TNFSF12: variants seen among roughly 807,000 people sequenced by gnomAD.
TNFSF12 encodes TNF superfamily member 12.
A neutral mutation model predicts 31.2 loss-of-function variants in TNFSF12; 16 were observed. The ratio of observed to expected loss-of-function variants is 0.51; its 90% confidence interval spans 0.35 to 0.78. The LOEUF is 0.78. Among genes scored for constraint, TNFSF12 ranks in the 30% least tolerant of loss-of-function variants. The pLI is 0.01. For missense variants in TNFSF12, 324 were observed against 338.8 expected, an observed-to-expected ratio of 0.96 and a Z score of 0.34; for synonymous variants, 150 against 151.4, an observed-to-expected ratio of 0.99 and a Z score of 0.07.
intron 5 of TNFSF12, among the ~76,000 whole-genome samples, chr17:7,554,474 T>C (rs12935848): frequency 0.34 from 51,928 of 150,894 alleles, 9,123 homozygotes; most frequent in Middle Eastern, 0.56. Flanking sequence ...CCACCACGCC[T>C]GGCTAATTTT....
rs1322460335 is a variant in TNFSF12, at chr17:7,549,238, G to A, written c.85G>A (p.Gly29Ser). Reference sequence around the variant, plus strand: ...GCTGGTCCCGCTCGCGCTGGGCCTGGGCCTGGCGCTGGCCTGCCTCGGCCT... The same window carrying A: ...GCTGGTCCCGCTCGCGCTGGGCCTGAGCCTGGCGCTGGCCTGCCTCGGCCT... Reference protein sequence around the residue: ...ALLVPLALGLGLALACLGLLL... With the variant: ...ALLVPLALGLSLALACLGLLL... Residue 29 changes from glycine (G) to serine (S), a missense_variant, in exon 1 of 7, where the codon GGC becomes AGC. Coordinates refer to ENST00000293825, the MANE Select transcript of TNFSF12 (RefSeq NM_003809.3). This position sits in a 1 kb window ranked among gnomAD's most constrained non-coding sequence, Gnocchi z 4.1. 2 of 1,387,178 alleles carry A rather than the reference G, an allele frequency of 1.4e-6. No individual in the cohort carries two copies. The highest frequency in any genetic ancestry group is 1.6e-5 in the South Asian group (1 of 62,040). 85.9% of individuals were successfully genotyped at this position (1,387,178 alleles called of 1,614,324 possible).
At position 7,557,686 on chromosome 17, in the gene TNFSF12, C is replaced by A; in HGVS notation, c.*336C>A. On this transcript the variant is annotated 3_prime_UTR_variant, in exon 7 of 7. Coordinates refer to ENST00000293825, the MANE Select transcript of TNFSF12 (RefSeq NM_003809.3). The surrounding 1 kb of genome is among the most constrained non-coding windows in gnomAD (Gnocchi z 5.2). ...GTGGGCAAGGATGGGTCCAGAAGACCCCACTTCAGGCACTAAGAGGGGCTG... is the reference window on the plus strand; with the variant it reads ...GTGGGCAAGGATGGGTCCAGAAGACACCACTTCAGGCACTAAGAGGGGCTG... The A allele has an allele frequency of 4.2e-6, 1 of 240,700 alleles. No homozygotes were observed. Among genetic ancestry groups the A allele is most frequent in the Non-Finnish European group, 8.1e-6 (1 of 123,758 alleles). The allele number at this position is 240,700 out of a possible 1,614,324, so 14.9% of individuals were successfully genotyped here. A position where few individuals can be genotyped will look rare whatever the true frequency, so the allele number is the denominator to read the frequency against.
chr17:7,549,442 G>T lies in TNFSF12; in HGVS notation c.160-32G>T. ...TGGAGGGTGAGATGTCAGGTGGAGC[G>T]GCACAGGGTGACGCTCCCTCCTTCC... On this transcript the variant is annotated intron_variant, in intron 1 of 6. Coordinates refer to ENST00000293825, the MANE Select transcript of TNFSF12 (RefSeq NM_003809.3). The surrounding 1 kb of genome is among the most constrained non-coding windows in gnomAD (Gnocchi z 4.1). 6.8e-7 allele frequency: 1 copy of T among 1,479,280 alleles called. No homozygotes were observed. Among genetic ancestry groups the T allele is most frequent in the Non-Finnish European group, 9.1e-7 (1 of 1,102,670 alleles). The allele number at this position is 1,479,280 out of a possible 1,614,324, so 91.6% of individuals were successfully genotyped here.
Position 7,557,655 on chromosome 17 carries a change from T to G in TNFSF12, c.*305T>G. Reference sequence around the variant, plus strand: ...GACCCCCAGGGCATTGTGTTCACTGTACTCTGTGGGCAAGGATGGGTCCAG... The same window carrying G: ...GACCCCCAGGGCATTGTGTTCACTGGACTCTGTGGGCAAGGATGGGTCCAG... On this transcript the variant is annotated 3_prime_UTR_variant, in exon 7 of 7. Coordinates refer to ENST00000293825, the MANE Select transcript of TNFSF12 (RefSeq NM_003809.3). The surrounding 1 kb of genome is among the most constrained non-coding windows in gnomAD (Gnocchi z 5.2). The G allele has an allele frequency of 3.0e-6, 1 of 331,348 alleles. No homozygotes were observed. Among genetic ancestry groups the G allele is most frequent in the Non-Finnish European group, 5.6e-6 (1 of 178,508 alleles). 20.5% of individuals were successfully genotyped at this position (331,348 alleles called of 1,614,324 possible).
rs2071086314 is a variant in TNFSF12, at chr17:7,557,362, C to G, written c.*12C>G. On this transcript the variant is annotated 3_prime_UTR_variant, in exon 7 of 7. Transcript: ENST00000293825. The surrounding 1 kb of genome is among the most constrained non-coding windows in gnomAD (Gnocchi z 5.2). Reference sequence around the variant, plus strand: ...TCCAGGTTCACTGAGGGGCCCTGGTCTCCCCGCAGTCGTCCCAGGCTGCCG... The same window carrying G: ...TCCAGGTTCACTGAGGGGCCCTGGTGTCCCCGCAGTCGTCCCAGGCTGCCG... 6.3e-7 allele frequency: 1 copy of G among 1,575,738 alleles called. No individual in the cohort carries two copies. Among genetic ancestry groups the G allele is most frequent in the South Asian group, 1.2e-5 (1 of 86,522 alleles).
chr17:7,555,350 C>T (rs192656871), intron 5 of TNFSF12, among the ~76,000 whole-genome samples: 76 of 152,106 alleles, frequency 5.0e-4, no homozygotes, highest in African/African-American at 1.5e-3. Context: ...GCAGAAGCAG[C>T]CCCTGGGGCA....
intron 5 of TNFSF12, among the ~76,000 whole-genome samples, chr17:7,554,761 C>T (rs1313227941): frequency 1.6e-5 from 2 of 125,298 alleles, no homozygotes; most frequent in Non-Finnish European, 3.7e-5. Context: ...ACTACAGGCG[C>T]CTGCCACCAC....
chr17:7,553,572 A>G, intron 5 of TNFSF12: 1 of 1,177,304 alleles, frequency 8.5e-7, no homozygotes. Flanking sequence ...TACTCTAATT[A>G]CCTCCATTTT....
intron 5 of TNFSF12, 134 bp from the exon 6 acceptor site, chr17:7,556,644 T>G: frequency 7.6e-7 from 1 of 1,322,624 alleles, no homozygotes; most frequent in East Asian, 2.7e-5. Context: ...GGATGGGTCC[T>G]CCCTTGCCCG....
chr17:7,550,137 A>T lies in TNFSF12; in HGVS notation c.225A>T (p.Thr75=). 6.2e-7 allele frequency: 1 copy of T among 1,614,106 alleles called. No homozygotes were observed. The highest frequency in any genetic ancestry group is 8.5e-7 in the Non-Finnish European group (1 of 1,179,998). ...DQDPSELNPQ[T]EESQDPAPFL... Reference sequence around the variant, plus strand: ...TCCCCTAGGAACTGAATCCCCAGACAGAAGAAAGCCAGGATCCTGCGCCTT... The same window carrying T: ...TCCCCTAGGAACTGAATCCCCAGACTGAAGAAAGCCAGGATCCTGCGCCTT... Residue 75 remains threonine (T), a synonymous_variant, in exon 3 of 7, where the codon ACA becomes ACT. Coordinates refer to ENST00000293825, the MANE Select transcript of TNFSF12 (RefSeq NM_003809.3). This position sits in a 1 kb window ranked among gnomAD's most constrained non-coding sequence, Gnocchi z 4.4.
At position 7,557,063 on chromosome 17, in the gene TNFSF12, C is replaced by T. The variant is rs756918443; in HGVS notation, c.499-36C>T. On this transcript the variant is annotated intron_variant, in intron 6 of 6. Transcript: ENST00000293825. This position sits in a 1 kb window ranked among gnomAD's most constrained non-coding sequence, Gnocchi z 5.2. ...AATTGGAAATTGAGGCGAGGGCAGG[C>T]AGAGGCCTGGACTCGGCCTGTTGTC... 2.9e-5 allele frequency: 46 copies of T among 1,580,306 alleles called. 1 individual carries two copies. The South Asian group carries it at 5.2e-4, about 18-fold the overall frequency.
At position 7,550,070 on chromosome 17, in the gene TNFSF12, AC is replaced by A; in HGVS notation, c.208-49del. On this transcript the variant is annotated intron_variant, in intron 2 of 6. Transcript: ENST00000293825. This position sits in a 1 kb window ranked among gnomAD's most constrained non-coding sequence, Gnocchi z 4.4. ...TCTCCTGACAGGCCCCGTATGTCTC[AC>A]TTTATATCTCTGGGAGTCTGTGGTT... 6.2e-7 allele frequency: 1 copy of A among 1,613,530 alleles called. No individual in the cohort carries two copies. The highest frequency in any genetic ancestry group is 8.5e-7 in the Non-Finnish European group (1 of 1,179,728).
chr17:7,556,702 T>G (rs1403979261), intron 5 of TNFSF12, 76 bp from the exon 6 acceptor site: 19 of 1,381,052 alleles, frequency 1.4e-5, no homozygotes, highest in Middle Eastern at 1.9e-4. Context: ...AATGTTCATA[T>G]GCTCAATGGA....
intron 6 of TNFSF12, 29 bp downstream of exon 6, chr17:7,556,931 G>T: frequency 6.6e-7 from 1 of 1,524,238 alleles, no homozygotes; most frequent in Admixed American, 2.1e-5. Context: ...CATGGGTAAC[G>T]CAGTAAGAGA....
intron 5 of TNFSF12, among the ~76,000 whole-genome samples, chr17:7,551,260 C>T (rs917104579): frequency 1.3e-5 from 2 of 152,162 alleles, no homozygotes; most frequent in African/African-American, 4.8e-5. Context: ...TCTGTCTCCT[C>T]CATATTCCAC....
At position 7,549,543 on chromosome 17, in the gene TNFSF12, C is replaced by A; in HGVS notation, c.207+22C>A. On this transcript the variant is annotated intron_variant, in intron 2 of 6. Transcript: ENST00000293825. This position sits in a 1 kb window ranked among gnomAD's most constrained non-coding sequence, Gnocchi z 4.1. ...GTCGGTGAGTGGGCGTGGGCGCGGT[C>A]TGCAGGCTGCTGGGGCATGGGAAGT... 6.5e-7 allele frequency: 1 copy of A among 1,534,408 alleles called. No homozygotes were observed.
chr17:7,549,827 C>T lies in TNFSF12; in HGVS notation c.208-293C>T, dbSNP rs1314939056. 1.7e-6 allele frequency: 1 copy of T among 604,720 alleles called. No homozygotes were observed. Among genetic ancestry groups the T allele is most frequent in the Non-Finnish European group, 2.9e-6 (1 of 344,486 alleles). The allele number at this position is 604,720 out of a possible 1,614,324, so 37.5% of individuals were successfully genotyped here. On this transcript the variant is annotated intron_variant, in intron 2 of 6. Coordinates refer to ENST00000293825, the MANE Select transcript of TNFSF12 (RefSeq NM_003809.3). The surrounding 1 kb of genome is among the most constrained non-coding windows in gnomAD (Gnocchi z 4.1). Reference sequence around the variant, plus strand: ...CGGTTGTGTACAGGGTGTGTATCCTCTGTGCGTGGTGACTGGGTGCGGGCA... The same window carrying T: ...CGGTTGTGTACAGGGTGTGTATCCTTTGTGCGTGGTGACTGGGTGCGGGCA...
rs987016096 is a variant in TNFSF12 at position 7,549,163 on chromosome 17, C to G, written c.10C>G (p.Arg4Gly). 2.3e-6 allele frequency: 3 copies of G among 1,281,368 alleles called. No individual in the cohort carries two copies. Among genetic ancestry groups the G allele is most frequent in the African/African-American group, 1.6e-5 (1 of 64,422 alleles). 79.4% of individuals were successfully genotyped at this position (1,281,368 alleles called of 1,614,324 possible). A position where few individuals can be genotyped will look rare whatever the true frequency, so the allele number is the denominator to read the frequency against. Reference sequence around the variant, plus strand: ...ACAGCCCCCCGCCCCCATGGCCGCCCGTCGGAGCCAGAGGCGGAGGGGGCG... The same window carrying G: ...ACAGCCCCCCGCCCCCATGGCCGCCGGTCGGAGCCAGAGGCGGAGGGGGCG... MAARRSQRRRGRRG... is the reference protein window; with the variant it reads MAAGRSQRRRGRRG... The change falls in exon 1 of 7, where the codon CGT becomes GGT. Residue 4 changes from arginine to glycine, a missense_variant. Coordinates refer to ENST00000293825, the MANE Select transcript of TNFSF12 (RefSeq NM_003809.3). This position sits in a 1 kb window ranked among gnomAD's most constrained non-coding sequence, Gnocchi z 4.1.
chr17:7,552,760 G>C (rs1210206099), intron 5 of TNFSF12, among the ~76,000 whole-genome samples: 4 of 152,146 alleles, frequency 2.6e-5, no homozygotes, highest in Non-Finnish European at 5.9e-5. Flanking sequence ...CTGAAAAGAA[G>C]CTGGAGAGAG....
Sources: gnomAD v4.1 joint callset for allele counts (sites outside exome capture counted in the v4.1 genomes callset) on GRCh38, gnomAD v4.1.1 for gene constraint, Gnocchi (gnomAD v3.1) non-coding constraint, MANE v1.5 for transcripts, NCBI Gene and HGNC (gene_info 2026-07-23, HGNC 2026-07-21) for gene names.